TNS1: variants seen among roughly 807,000 people sequenced by gnomAD.
TNS1 encodes tensin 1, also known as tensin-1.
A neutral mutation model predicts 168.6 loss-of-function variants in TNS1; 62 were observed. The ratio of observed to expected loss-of-function variants is 0.37; its 90% confidence interval spans 0.30 to 0.45. TNS1 has a LOEUF of 0.45. Ranked by LOEUF, TNS1 falls within the 20% of genes least tolerant of loss-of-function variation. TNS1 has a pLI of 1.00. For synonymous variants in TNS1, 934 were observed against 933.2 expected, an observed-to-expected ratio of 1.00 and a Z score of -0.02; for missense variants, 2,240 against 2,339.4, an observed-to-expected ratio of 0.96 and a Z score of 0.88.
chr2:217,970,738 G>A (rs1234413524), intron 3 of TNS1, among the ~76,000 whole-genome samples: 1 of 152,098 alleles, frequency 6.6e-6, no homozygotes, highest in Non-Finnish European at 1.5e-5. Flanking sequence ...AGGGATTAGG[G>A]GTTCAAGCTA....
intron 1 of TNS1, among the ~76,000 whole-genome samples, chr2:218,024,345 G>GC (rs1381873861): frequency 1.5e-5 from 2 of 135,896 alleles, no homozygotes; most frequent in Admixed American, 1.5e-4. Flanking sequence ...ACACACTCAT[G>GC]TCCCTGCTTG....
At position 217,957,840 on chromosome 2, in the gene TNS1, C is replaced by CAA. The variant is rs35149245; in HGVS notation, c.186+20923_186+20924dup. Among the ~76,000 whole-genome samples the CAA allele has an allele frequency of 6.6e-4, 49 of 74,096 alleles. 1 individual carries two copies. Among genetic ancestry groups the CAA allele is most frequent in the East Asian group, 1.9e-3 (6 of 3,116 alleles). 48.6% of individuals were successfully genotyped at this position (74,096 alleles called of 152,430 possible). A position where few individuals can be genotyped will look rare whatever the true frequency, so the allele number is the denominator to read the frequency against. ...GGGGTTTGCTTGAAAAGTACTCCCGCAAAAAAAAAAAAAAAAAAAAAAGGT... is the reference window on the plus strand; with the variant it reads ...GGGGTTTGCTTGAAAAGTACTCCCGCAAAAAAAAAAAAAAAAAAAAAAAAGGT... On this transcript the variant is annotated intron_variant, in intron 3 of 32. Transcript: ENST00000682258.
At chr2:217,935,639 C>A (rs550331066) in intron 3 of TNS1, among the ~76,000 whole-genome samples, 2 of 152,326 alleles carry the variant, frequency 1.3e-5, no homozygotes, top group Non-Finnish European at 2.9e-5. Context: ...CTCTTGTGCT[C>A]TCCCCTCCCA....
At chr2:217,915,606 A>G (rs919749959) in intron 4 of TNS1, among the ~76,000 whole-genome samples, 1 of 152,196 alleles carries the variant, frequency 6.6e-6, no homozygotes, top group African/African-American at 2.4e-5. Flanking sequence ...TCAAATCCCA[A>G]GCCTACTGGC....
At chr2:217,927,148 C>T (rs1299419112) in intron 3 of TNS1, among the ~76,000 whole-genome samples, 1 of 152,182 alleles carries the variant, frequency 6.6e-6, no homozygotes, top group Non-Finnish European at 1.5e-5. Flanking sequence ...GCCTGATGCC[C>T]ACTTGGTGAG....
chr2:217,808,398 A>C (rs1296907367), intron 31 of TNS1, among the ~76,000 whole-genome samples: 3 of 152,134 alleles, frequency 2.0e-5, no homozygotes, highest in African/African-American at 7.2e-5. Context: ...GTGGGCACTG[A>C]GTCCCTGGGA....
At chr2:218,031,278 C>T (rs1405265949) in intron 1 of TNS1, among the ~76,000 whole-genome samples, 9 of 82,244 alleles carry the variant, frequency 1.1e-4, no homozygotes, top group Non-Finnish European at 1.8e-4. Flanking sequence ...TGTGTGTGAG[C>T]GTGTATGAGT....
rs528573391 is a variant in TNS1, at chr2:217,865,062, A to G, written c.1429+15836T>C. On this transcript the variant is annotated intron_variant, in intron 18 of 32. Transcript: ENST00000682258. ...ATGAGAGGTGGCTATGACTAGAGGGATCCATGTGGTTCCATGCATGAGAGG... is the reference window on the plus strand; with the variant it reads ...ATGAGAGGTGGCTATGACTAGAGGGGTCCATGTGGTTCCATGCATGAGAGG... Among the ~76,000 whole-genome samples, 10 of 150,028 alleles carry G rather than the reference A, an allele frequency of 6.7e-5. No individual in the cohort carries two copies. In the South Asian group the frequency reaches 1.7e-3, roughly 26 times the overall value.
chr2:217,898,655 G>A (rs1266086791), intron 7 of TNS1, among the ~76,000 whole-genome samples: 2 of 152,210 alleles, frequency 1.3e-5, no homozygotes, highest in Non-Finnish European at 2.9e-5. Flanking sequence ...CTTCTTGGCA[G>A]CAGCCTCCCT....
Position 217,804,582 on chromosome 2 carries a change from C to G in TNS1, c.5397G>C (p.Arg1799=). Residue 1799 remains arginine (R), a synonymous_variant, in exon 33 of 33, where the codon CGG becomes CGC. Transcript: ENST00000682258. ...CGTTGTCCGTGGTGCTGCCCTGCTT[C>G]CGGGCCACGAAGCCGAAGAGCCTGC... ...APAKLFGFVA[R]KQGSTTDNAC... is the part of the protein sequence containing the mutation. The G allele has an allele frequency of 6.2e-7, 1 of 1,614,100 alleles. No homozygotes were observed. The highest frequency in any genetic ancestry group is 1.1e-5 in the South Asian group (1 of 91,078).
intron 16 of TNS1, among the ~76,000 whole-genome samples, chr2:217,884,194 G>T (rs1186402191): frequency 6.6e-6 from 1 of 152,068 alleles, no homozygotes; most frequent in Admixed American, 6.6e-5. Flanking sequence ...TGGGTGGGCA[G>T]ATGAATGAAT....
intron 3 of TNS1, among the ~76,000 whole-genome samples, chr2:217,928,550 T>C (rs1279074876): frequency 6.6e-6 from 1 of 152,140 alleles, no homozygotes; most frequent in African/African-American, 2.4e-5. Context: ...AAGCCCTGAG[T>C]GTCCCTCCAA....
chr2:217,858,734 G>A (rs762257295), intron 18 of TNS1: 3 of 141,810 alleles, frequency 2.1e-5, no homozygotes, highest in African/African-American at 3.4e-5. Context: ...TCTCCTGCAC[G>A]CTCTCTCCCC....
In TNS1 at chr2:217,808,097, T is replaced by G. The variant is rs372933223; in HGVS notation, c.5353A>C (p.Thr1785Pro). ...LDPQERKWMK[T>P]EGGAPAKLFG... The stretch of plus-strand genomic sequence containing the variant: ...TACTTAGCAGGGGCACCACCCTCTG[T>G]TTTCATCCACCTGTGGAGAGAAAGT... Residue 1785 changes from threonine to proline, a missense_variant, in exon 32 of 33, where the codon ACA becomes CCA. Coordinates refer to ENST00000682258, the MANE Select transcript of TNS1 (RefSeq NM_001387777.1). The G allele has an allele frequency of 6.2e-7, 1 of 1,613,016 alleles. No homozygotes were observed. The highest frequency in any genetic ancestry group is 2.2e-5 in the East Asian group (1 of 44,884).
chr2:217,810,757 C>T (rs1001696983), intron 28 of TNS1, among the ~76,000 whole-genome samples: 25 of 152,298 alleles, frequency 1.6e-4, no homozygotes, highest in African/African-American at 5.5e-4. Context: ...ATTCATTAAA[C>T]CATTGATCCA....
intron 18 of TNS1, among the ~76,000 whole-genome samples, chr2:217,863,188 A>C (rs970448501): frequency 5.3e-5 from 8 of 152,208 alleles, no homozygotes; most frequent in Non-Finnish European, 1.0e-4. Context: ...GCCGGGTCCC[A>C]GAACAGAAGG....
intron 18 of TNS1, among the ~76,000 whole-genome samples, chr2:217,857,496 A>G (rs1948284361): frequency 2.0e-5 from 3 of 152,338 alleles, no homozygotes; most frequent in Admixed American, 6.5e-5. Flanking sequence ...ACAGGACAAC[A>G]TAATATATGG....
At chr2:217,913,018 ACCT>A (rs1954607278) in intron 4 of TNS1, among the ~76,000 whole-genome samples, 1 of 151,864 alleles carries the variant, frequency 6.6e-6, no homozygotes, top group Non-Finnish European at 1.5e-5. Flanking sequence ...CGAGTCTAAG[ACCT>A]CTGAGGTCTG....
intron 3 of TNS1, among the ~76,000 whole-genome samples, chr2:217,966,298 TGTGTGTGTGTGCGC>T (rs971499625): frequency 1.8e-4 from 27 of 146,432 alleles, no homozygotes; most frequent in African/African-American, 7.0e-4. Context: ...TGTGTGTGTG[TGTGTGTGTGTGCGC>T]GCGCGCGCGT....
Sources: gnomAD v4.1 joint callset for allele counts (sites outside exome capture counted in the v4.1 genomes callset) on GRCh38, gnomAD v4.1.1 for gene constraint, MANE v1.5 for transcripts, NCBI Gene and HGNC (gene_info 2026-07-23, HGNC 2026-07-21) for gene names.